The following HUNK variants were observed in gnomAD, a reference collection of about 807,000 sequenced individuals.
The protein encoded by HUNK is hormonally up-regulated Neu-associated kinase, also known as hormonally up-regulated neu tumor-associated kinase.
HUNK carries 21 observed loss-of-function variants against 61.0 expected under a neutral mutation model. That is an observed-to-expected ratio of 0.34 (90% CI 0.24 to 0.50). The LOEUF is 0.50. Among genes scored for constraint, HUNK ranks in the 20% least tolerant of loss-of-function variants. The pLI is 0.98. For missense variants in HUNK, 772 were observed against 945.7 expected (o/e 0.82, Z 2.41); for synonymous variants, 371 against 386.1 (o/e 0.96, Z 0.46).
At position 31,974,681 on chromosome 21, in the gene HUNK, C is replaced by G; in HGVS notation, c.1137C>G (p.Phe379Leu). Reference protein sequence around the residue: ...NRACHILAIYFLLNKKLERYL... With the variant: ...NRACHILAIYLLLNKKLERYL... Reference sequence around the variant, plus strand: ...CCTGCCACATCCTGGCCATCTACTTCCTCTTAAACAAGAAACTGGAGCGCT... The same window carrying G: ...CCTGCCACATCCTGGCCATCTACTTGCTCTTAAACAAGAAACTGGAGCGCT... Residue 379 changes from phenylalanine (F) to leucine (L), a missense_variant, in exon 7 of 11, where the codon TTC becomes TTG. Around this residue, in one of 2 missense-constraint regions of HUNK, gnomAD observed 413 missense variants for 444.4 expected, o/e 0.93. Coordinates refer to ENST00000270112, the MANE Select transcript of HUNK (RefSeq NM_014586.2). 6.2e-7 allele frequency: 1 copy of G among 1,613,944 alleles called. No homozygotes were observed. Among genetic ancestry groups the G allele is most frequent in the Non-Finnish European group, 8.5e-7 (1 of 1,179,930 alleles).
At chr21:31,921,263 T>C (rs959919914) in intron 1 of HUNK, among the ~76,000 whole-genome samples, 3 of 151,508 alleles carry the variant, frequency 2.0e-5, no homozygotes, top group Non-Finnish European at 2.9e-5. Flanking sequence ...CATTGGTTAG[T>C]CACTATTAGT....
intron 1 of HUNK, among the ~76,000 whole-genome samples, chr21:31,885,292 T>C (rs1296948155): frequency 5.3e-5 from 8 of 152,222 alleles, no homozygotes; most frequent in African/African-American, 1.9e-4. Context: ...TGACAGTGCA[T>C]GCGCCTTGGC....
chr21:31,951,277 C>A (rs1195456269), intron 4 of HUNK, among the ~76,000 whole-genome samples: 1 of 151,842 alleles, frequency 6.6e-6, no homozygotes, highest in Admixed American at 6.6e-5. Flanking sequence ...CAAAAATATT[C>A]ATTCTGGTGC....
At chr21:31,921,308 G>C (rs1737449226) in intron 1 of HUNK, among the ~76,000 whole-genome samples, 1 of 152,098 alleles carries the variant, frequency 6.6e-6, no homozygotes, top group African/African-American at 2.4e-5. Context: ...GTGTCGTGAA[G>C]GGGGAGTGGT....
chr21:31,903,314 G>A (rs986884617), intron 1 of HUNK, among the ~76,000 whole-genome samples: 4 of 152,022 alleles, frequency 2.6e-5, no homozygotes, highest in Non-Finnish European at 5.9e-5. Context: ...CTTTGAAGTC[G>A]ATGATATTCT....
intron 1 of HUNK, among the ~76,000 whole-genome samples, chr21:31,917,119 C>T (rs1425403129): frequency 2.0e-5 from 3 of 152,148 alleles, no homozygotes; most frequent in African/African-American, 7.2e-5. Flanking sequence ...TGATTTTATC[C>T]ATCATCATTG....
chr21:31,939,867 T>G (rs941687314), intron 2 of HUNK, among the ~76,000 whole-genome samples: 2 of 152,062 alleles, frequency 1.3e-5, no homozygotes, highest in Non-Finnish European at 2.9e-5. Flanking sequence ...ACACCCTGGT[T>G]CTGCTTAACT....
intron 3 of HUNK, among the ~76,000 whole-genome samples, chr21:31,943,535 G>A (rs2052782630): frequency 6.6e-6 from 1 of 152,242 alleles, no homozygotes; most frequent in Non-Finnish European, 1.5e-5. Context: ...TGAATGTGAA[G>A]CAAACTGGTT....
chr21:31,981,984 G>A (rs1205860898), intron 7 of HUNK, among the ~76,000 whole-genome samples: 1 of 152,054 alleles, frequency 6.6e-6, no homozygotes. Flanking sequence ...ATGTGCCATG[G>A]TGGTTTGCTG....
intron 4 of HUNK, among the ~76,000 whole-genome samples, chr21:31,950,766 A>G (rs2052844022): frequency 6.6e-6 from 1 of 152,224 alleles, no homozygotes; most frequent in South Asian, 2.1e-4. Flanking sequence ...ATGAGAGTGA[A>G]AATGGAACCG....
intron 1 of HUNK, among the ~76,000 whole-genome samples, chr21:31,876,570 A>T (rs557576823): frequency 1.3e-5 from 2 of 152,336 alleles, no homozygotes; most frequent in Admixed American, 1.3e-4. Flanking sequence ...CAAAACAAAG[A>T]TGACCACAGC....
intron 7 of HUNK, among the ~76,000 whole-genome samples, chr21:31,979,494 G>T (rs1360664799): frequency 6.9e-6 from 1 of 144,298 alleles, no homozygotes; most frequent in Non-Finnish European, 1.5e-5. Context: ...GTTGTTTTCT[G>T]GCTATTGAGT....
intron 1 of HUNK, among the ~76,000 whole-genome samples, chr21:31,905,545 G>A (rs1044475251): frequency 5.3e-5 from 8 of 152,110 alleles, no homozygotes; most frequent in South Asian, 2.1e-4. Context: ...GCAAACCTGC[G>A]CCCACCTCCC....
At chr21:31,938,082 T>C (rs971991535) in intron 2 of HUNK, among the ~76,000 whole-genome samples, 10 of 152,190 alleles carry the variant, frequency 6.6e-5, no homozygotes, top group African/African-American at 2.2e-4. Flanking sequence ...TCTGAATCTG[T>C]TGGACACCTT....
At chr21:31,892,959 A>G (rs1239069223) in intron 1 of HUNK, among the ~76,000 whole-genome samples, 1 of 148,694 alleles carries the variant, frequency 6.7e-6, no homozygotes, top group African/African-American at 2.4e-5. Context: ...GCTTCTCACT[A>G]TTCCTGGCTT....
At chr21:31,949,403 A>T (rs1244262153) in intron 4 of HUNK, among the ~76,000 whole-genome samples, 1 of 152,178 alleles carries the variant, frequency 6.6e-6, no homozygotes, top group Non-Finnish European at 1.5e-5. Context: ...GAGGAAATCC[A>T]TTATGGATTT....
intron 2 of HUNK, among the ~76,000 whole-genome samples, chr21:31,928,323 T>A (rs1168329212): frequency 1.3e-5 from 2 of 152,224 alleles, no homozygotes; most frequent in African/African-American, 2.4e-5. Flanking sequence ...GTGGAAGCTG[T>A]GCCTTGTGCA....
intron 7 of HUNK, among the ~76,000 whole-genome samples, chr21:31,979,123 A>G (rs901521254): frequency 0.011 from 572 of 53,390 alleles, 4 homozygotes; most frequent in African/African-American, 0.042. Context: ...TTTTTTTTTG[A>G]GAGGGAGTCT....
intron 2 of HUNK, among the ~76,000 whole-genome samples, chr21:31,937,480 G>C (rs191934507): frequency 4.5e-4 from 68 of 152,230 alleles, no homozygotes; most frequent in Non-Finnish European, 1.2e-4. Context: ...TGTATGATTT[G>C]GGATAAGATT....
Sources: allele counts gnomAD v4.1 joint callset (sites outside exome capture counted in the v4.1 genomes callset), GRCh38; gene constraint gnomAD v4.1.1; regional missense constraint gnomAD v4.1.1; transcripts MANE v1.5; gene names NCBI Gene and HGNC (gene_info 2026-07-23, HGNC 2026-07-21).